The following KCNJ15 variants were observed in gnomAD, a reference collection of about 807,000 sequenced individuals.
KCNJ15 encodes potassium inwardly rectifying channel subfamily J member 15, also known as ATP-sensitive inward rectifier potassium channel 15.
In KCNJ15, 14 loss-of-function variants were observed where a neutral mutation model predicts 23.0. The ratio of observed to expected loss-of-function variants is 0.61; its 90% CI spans 0.40 to 0.95. The LOEUF is 0.95. Among genes scored for constraint, KCNJ15 ranks in the 40% least tolerant of loss-of-function variants. The pLI, the probability that KCNJ15 is intolerant of heterozygous loss-of-function variation, is 0.00. For missense variants in KCNJ15, 388 were observed against 461.8 expected, an observed-to-expected ratio of 0.84 and a Z score of 1.46; for synonymous variants, 185 against 183.2, an observed-to-expected ratio of 1.01 and a Z score of -0.08.
At chr21:38,282,040 G>C (rs1211789266) in intron 1 of KCNJ15, among the ~76,000 whole-genome samples, 1 of 152,090 alleles carries the variant, frequency 6.6e-6, no homozygotes, top group Non-Finnish European at 1.5e-5. Flanking sequence ...ATTTTTTCAA[G>C]TTTGTTGACT....
chr21:38,281,259 C>G (rs1208668991), intron 1 of KCNJ15, among the ~76,000 whole-genome samples: 1 of 152,138 alleles, frequency 6.6e-6, no homozygotes, highest in Non-Finnish European at 1.5e-5. Flanking sequence ...CTTGCTCTAA[C>G]AAATTACATA....
rs1262483345 is a variant in KCNJ15, at chr21:38,299,244, T to A, written c.-18T>A. The A allele has an allele frequency of 6.3e-7, 1 of 1,596,258 alleles. No individual in the cohort carries two copies. The highest frequency in any genetic ancestry group is 1.3e-5 in the African/African-American group (1 of 74,376). ...GAAACATCTTTGTCATTTCTCTAAG[T>A]GTTTCCAGAGCCTGGCAATGGATGC... On this transcript the variant is annotated splice_region_variant and 5_prime_UTR_variant, in exon 3 of 3. Coordinates refer to ENST00000398938, the MANE Select transcript of KCNJ15 (RefSeq NM_170736.3). This position sits in a 1 kb window ranked among gnomAD's most constrained non-coding sequence, Gnocchi z 4.5.
intron 1 of KCNJ15, among the ~76,000 whole-genome samples, chr21:38,278,414 C>G (rs1230331344): frequency 1.3e-5 from 2 of 152,186 alleles, no homozygotes; most frequent in African/African-American, 4.8e-5. Context: ...CTTATTTTTA[C>G]CAGCATTACT....
upstream of KCNJ15, among the ~76,000 whole-genome samples, chr21:38,253,629 T>A (rs1463534666): frequency 6.6e-6 from 1 of 152,228 alleles, no homozygotes; most frequent in Non-Finnish European, 1.5e-5. Flanking sequence ...TTCCCTCTCA[T>A]CACACTTTAA....
rs763879793 is a variant in KCNJ15, at chr21:38,299,309, C to T, written c.48C>T (p.His16=). Residue 16 remains histidine (H), a synonymous_variant, in exon 3 of 3, where the codon CAC becomes CAT. Transcript: ENST00000398938. The surrounding 1 kb of genome is among the most constrained non-coding windows in gnomAD (Gnocchi z 4.5). ...IGMSSTPLVK[H]TAGAGLKANR... ...TGTCCAGCACCCCCCTGGTGAAGCA[C>T]ACTGCTGGGGCTGGGCTCAAGGCCA... 32 of 1,614,008 alleles carry T rather than the reference C, an allele frequency of 2.0e-5. No individual in the cohort carries two copies. The highest frequency in any genetic ancestry group is 4.5e-5 in the East Asian group (2 of 44,900).
intron 1 of KCNJ15, among the ~76,000 whole-genome samples, chr21:38,236,297 A>G (rs758099793): frequency 5.9e-5 from 9 of 152,366 alleles, no homozygotes; most frequent in Non-Finnish European, 4.4e-5. Flanking sequence ...AAATATAAAC[A>G]TAACAAAAGC....
At chr21:38,283,647 A>G (rs7275679) in intron 1 of KCNJ15, among the ~76,000 whole-genome samples, 102,621 of 152,012 alleles carry the variant, frequency 0.68, 35,042 homozygotes, top group Non-Finnish European at 0.73. Flanking sequence ...TTAAGTCTTA[A>G]AAGTAGACTT....
intron 1 of KCNJ15, among the ~76,000 whole-genome samples, chr21:38,275,445 C>T (rs573488089): frequency 3.2e-4 from 48 of 147,786 alleles, no homozygotes; most frequent in Middle Eastern, 3.6e-3. Context: ...TTGCTTGAAC[C>T]GGGGAGGCAG....
intron 1 of KCNJ15, among the ~76,000 whole-genome samples, chr21:38,258,959 G>GAGA (rs1980581194): frequency 6.6e-6 from 1 of 152,052 alleles, no homozygotes. Context: ...ACCTCACTCT[G>GAGA]CTTCTGCATC....
chr21:38,256,166 C>T (rs1274411860), upstream of KCNJ15, among the ~76,000 whole-genome samples: 1 of 151,916 alleles, frequency 6.6e-6, no homozygotes, highest in Middle Eastern at 3.2e-3. Context: ...CATATAACCC[C>T]ATTCCCGAAA....
At position 38,293,115 on chromosome 21, in the gene KCNJ15, C is replaced by T. The variant is rs147204130; in HGVS notation, c.-116-3811C>T. 7.9e-5 allele frequency among the ~76,000 whole-genome samples: 12 copies of T among 152,044 alleles called. No homozygotes were observed. The East Asian group carries it at 2.3e-3, about 29-fold the overall frequency. ...GTGGTCAGGTTTCACTAGGTTTTGC[C>T]TTGTTAACAACTCTAAGAACTGTGT... On this transcript the variant is annotated intron_variant, in intron 1 of 2. Transcript: ENST00000398938.
chr21:38,265,652 C>T (rs750508420), intron 1 of KCNJ15, among the ~76,000 whole-genome samples: 8 of 152,136 alleles, frequency 5.3e-5, no homozygotes, highest in Non-Finnish European at 7.3e-5. Context: ...CGTCTTATGT[C>T]GATTTAGAAG....
chr21:38,251,923 A>G (rs191326125), upstream of KCNJ15, among the ~76,000 whole-genome samples: 7 of 152,326 alleles, frequency 4.6e-5, no homozygotes, highest in Non-Finnish European at 7.4e-5. Flanking sequence ...TGTGGATAAA[A>G]TAGCTTCCAT....
chr21:38,270,717 G>A (rs111588065), intron 1 of KCNJ15, among the ~76,000 whole-genome samples: 104 of 152,124 alleles, frequency 6.8e-4, no homozygotes, highest in Admixed American at 2.0e-3. Context: ...TGATCATCCC[G>A]TTTTGTCAAA....
At chr21:38,282,426 C>T (rs1157028601) in intron 1 of KCNJ15, among the ~76,000 whole-genome samples, 3 of 152,104 alleles carry the variant, frequency 2.0e-5, no homozygotes, top group African/African-American at 7.2e-5. Context: ...TAGTTTTTAT[C>T]GGTTTTGTCA....
intron 1 of KCNJ15, among the ~76,000 whole-genome samples, chr21:38,234,702 T>G (rs750392939): frequency 1.3e-5 from 2 of 152,236 alleles, no homozygotes; most frequent in Non-Finnish European, 2.9e-5. Flanking sequence ...GCAGTTAGAA[T>G]TACTAGAGAG....
rs186217849 is a variant in KCNJ15 at position 38,266,236 on chromosome 21, C to T, written c.-117+9051C>T. On this transcript the variant is annotated intron_variant, in intron 1 of 2. Transcript: ENST00000398938. ...ACGCGCCATGGTGATTTGCTGCACC[C>T]ATCAACCCGTCATCTACATTAGGTA... Among the ~76,000 whole-genome samples, 32 of 152,274 alleles carry T rather than the reference C, an allele frequency of 2.1e-4. 1 individual carries two copies. The highest frequency in any genetic ancestry group is 7.2e-4 in the African/African-American group (30 of 41,550).
intron 1 of KCNJ15, among the ~76,000 whole-genome samples, chr21:38,233,484 C>T (rs1215269732): frequency 3.9e-5 from 6 of 152,086 alleles, no homozygotes; most frequent in Non-Finnish European, 8.8e-5. Flanking sequence ...CTATATGTCT[C>T]ATATCACATT....
At chr21:38,294,342 A>G (rs2836296) in intron 1 of KCNJ15, among the ~76,000 whole-genome samples, 15,275 of 152,204 alleles carry the variant, frequency 0.1, 2,176 homozygotes, top group African/African-American at 0.32. Flanking sequence ...ATTTTAGTCT[A>G]GAAATCCAAA....
Sources: allele counts gnomAD v4.1 joint callset (sites outside exome capture counted in the v4.1 genomes callset), GRCh38; gene constraint gnomAD v4.1.1; non-coding constraint Gnocchi (gnomAD v3.1); transcripts MANE v1.5; gene names NCBI Gene and HGNC (gene_info 2026-07-23, HGNC 2026-07-21).